The following P2RX7 variants were observed in gnomAD, a reference collection of about 807,000 sequenced individuals.
P2RX7 encodes the protein purinergic receptor P2X 7.
Under a neutral mutation model 71.6 loss-of-function variants are expected in P2RX7, and 62 were observed. The ratio of observed to expected loss-of-function variants is 0.87; its 90% CI spans 0.71 to 1.07. The LOEUF (loss-of-function observed/expected upper bound fraction) is 1.07, where lower values mean the gene tolerates loss of function less well. Among genes scored for constraint, P2RX7 ranks in the 50% least tolerant of loss-of-function variants. The pLI is 0.00. For synonymous variants in P2RX7, 299 were observed against 283.3 expected (o/e 1.06, Z -0.56); for missense variants, 686 against 748.5 (o/e 0.92, Z 0.97).
intron 1 of P2RX7, among the ~76,000 whole-genome samples, chr12:121,143,858 A>T (rs12830584): frequency 0.049 from 7,404 of 152,294 alleles, 225 homozygotes; most frequent in South Asian, 0.078. Context: ...CTCAAAAAAA[A>T]GAAAGTCTCT....
chr12:121,150,548 G>C (rs952067784), intron 1 of P2RX7, among the ~76,000 whole-genome samples: 1 of 152,230 alleles, frequency 6.6e-6, no homozygotes, highest in Non-Finnish European at 1.5e-5. Flanking sequence ...GCTATGTCTC[G>C]TATGTGCTGA....
intron 1 of P2RX7, among the ~76,000 whole-genome samples, chr12:121,141,643 T>C (rs935542946): frequency 2.6e-5 from 4 of 152,156 alleles, no homozygotes; most frequent in African/African-American, 7.2e-5. Context: ...GGGTTTTATG[T>C]TCATATTTTC....
chr12:121,136,023 A>AAAAAAAAAAATATATATAT lies in P2RX7; in HGVS notation c.125+2929_125+2930insAAAAAAAAATATATATATA. Among the ~76,000 whole-genome samples the AAAAAAAAAAATATATATAT allele has an allele frequency of 8.9e-3, 136 of 15,232 alleles. 20 individuals carry two copies. The highest frequency in any genetic ancestry group is 0.024 in the East Asian group (6 of 250). The allele number at this position is 15,232 out of a possible 152,430, so 10.0% of individuals were successfully genotyped here. On this transcript the variant is annotated intron_variant, in intron 1 of 12. Transcript: ENST00000328963. ...TGTCTCAAAAAAAAAAAAAAAAAAAAATATATATATATATATATAGTATTT... is the reference window on the plus strand; with the variant it reads ...TGTCTCAAAAAAAAAAAAAAAAAAAAAAAAAAAAAATATATATATATATATATATATATATATAGTATTT...
rs541048224 is a variant in P2RX7, at chr12:121,157,169, G to A, written c.363+1022G>A. 5.3e-5 allele frequency among the ~76,000 whole-genome samples: 8 copies of A among 152,210 alleles called. 1 individual carries two copies. Among genetic ancestry groups the A allele is most frequent in the African/African-American group, 1.7e-4 (7 of 41,516 alleles). The stretch of plus-strand genomic sequence containing the variant: ...GGTAACGTAACTGTGCTGTACCAGG[G>A]ACCATTTCCAACACTGACCGTTGCA... On this transcript the variant is annotated intron_variant, in intron 3 of 12. Coordinates refer to ENST00000328963, the MANE Select transcript of P2RX7 (RefSeq NM_002562.6).
intron 1 of P2RX7, among the ~76,000 whole-genome samples, chr12:121,147,567 A>G (rs553438520): frequency 5.3e-5 from 8 of 151,802 alleles, no homozygotes; most frequent in Admixed American, 1.3e-4. Context: ...TTCTATAGCT[A>G]TGGCCTACAA....
At chr12:121,150,817 G>A (rs1373603571) in intron 1 of P2RX7, among the ~76,000 whole-genome samples, 2 of 152,208 alleles carry the variant, frequency 1.3e-5, no homozygotes, top group African/African-American at 4.8e-5. Context: ...GCTGAGGCAG[G>A]AGAATCACTT....
chr12:121,162,604 TCAGCA>T, intron 5 of P2RX7, 84 bp downstream of exon 5: 1 of 1,513,598 alleles, frequency 6.6e-7, no homozygotes, highest in Non-Finnish European at 9.0e-7. Flanking sequence ...CCTTCCCCTC[TCAGCA>T]CAGCCCTGCA....
chr12:121,144,381 A>G (rs1875683659), intron 1 of P2RX7, among the ~76,000 whole-genome samples: 1 of 152,190 alleles, frequency 6.6e-6, no homozygotes, highest in African/African-American at 2.4e-5. Flanking sequence ...TACTTTTAGT[A>G]GAGATGGGGT....
intron 7 of P2RX7, 69 bp downstream of exon 7, chr12:121,166,256 G>C: frequency 6.5e-7 from 1 of 1,539,936 alleles, no homozygotes; most frequent in Non-Finnish European, 8.9e-7. Flanking sequence ...AAACAGCCAA[G>C]AGGCCGGGCC....
chr12:121,173,699 T>C (rs181683446), intron 8 of P2RX7, among the ~76,000 whole-genome samples: 84 of 152,312 alleles, frequency 5.5e-4, no homozygotes, highest in African/African-American at 2.0e-3. Context: ...GGTTAACTAC[T>C]TTGAATAATG....
intron 1 of P2RX7, among the ~76,000 whole-genome samples, chr12:121,137,127 T>A (rs1370337019): frequency 6.6e-6 from 1 of 152,096 alleles, no homozygotes; most frequent in Non-Finnish European, 1.5e-5. Context: ...GAGAACAATA[T>A]AAATAATGCA....
rs78745527 is a variant in P2RX7 at position 121,134,207 on chromosome 12, T to G, written c.125+1112T>G. Among the ~76,000 whole-genome samples the G allele has an allele frequency of 2.5e-4, 38 of 152,362 alleles. 1 individual carries two copies. The highest frequency in any genetic ancestry group is 9.1e-4 in the African/African-American group (38 of 41,580). On this transcript the variant is annotated intron_variant, in intron 1 of 12. Coordinates refer to ENST00000328963, the MANE Select transcript of P2RX7 (RefSeq NM_002562.6). Reference sequence around the variant, plus strand: ...TATATATTCTCCTTTCTCTCGAATATGTACCTAAGAGTAAAAATTGCTAGG... The same window carrying G: ...TATATATTCTCCTTTCTCTCGAATAGGTACCTAAGAGTAAAAATTGCTAGG...
At chr12:121,166,034 T>C (rs1159049275) in intron 6 of P2RX7, 24 bp from the exon 7 acceptor site, 1 of 1,605,478 alleles carries the variant, frequency 6.2e-7, no homozygotes, top group Non-Finnish European at 8.5e-7. Context: ...GTTTGTTTGT[T>C]TGTTTGCTTT....
intron 4 of P2RX7, among the ~76,000 whole-genome samples, chr12:121,161,664 C>T (rs1017529339): frequency 1.3e-5 from 2 of 151,758 alleles, no homozygotes; most frequent in East Asian, 1.9e-4. Flanking sequence ...TGGTGGCACA[C>T]GCTTATAATC....
At chr12:121,167,680 C>T in intron 8 of P2RX7, 56 bp downstream of exon 8, 1 of 1,428,846 alleles carries the variant, frequency 7.0e-7, no homozygotes, top group Non-Finnish European at 9.2e-7. Context: ...TTCCCAGGAA[C>T]TGGTGAGACT....
intron 1 of P2RX7, among the ~76,000 whole-genome samples, chr12:121,135,645 G>C (rs910844524): frequency 1.3e-5 from 2 of 151,866 alleles, no homozygotes; most frequent in African/African-American, 4.8e-5. Context: ...TATTAATAAT[G>C]CTATTATTAG....
chr12:121,151,937 C>G (rs1022043834), intron 1 of P2RX7, among the ~76,000 whole-genome samples: 2 of 152,210 alleles, frequency 1.3e-5, no homozygotes, highest in Middle Eastern at 6.8e-3. Context: ...GAGCTACCCA[C>G]CTACTTGGGA....
chr12:121,163,134 C>T (rs968137688), intron 5 of P2RX7, among the ~76,000 whole-genome samples: 1 of 152,104 alleles, frequency 6.6e-6, no homozygotes, highest in Non-Finnish European at 1.5e-5. Context: ...TTAGAAAGAC[C>T]TGGATTCAAT....
intron 6 of P2RX7, 135 bp downstream of exon 6, chr12:121,165,572 T>C (rs1880851259): frequency 1.4e-6 from 1 of 724,842 alleles, no homozygotes; most frequent in Non-Finnish European, 2.3e-6. Flanking sequence ...GGGAATGACT[T>C]TGCTGCGTGG....
Sources: gnomAD v4.1 joint callset for allele counts (sites outside exome capture counted in the v4.1 genomes callset) on GRCh38, gnomAD v4.1.1 for gene constraint, MANE v1.5 for transcripts, NCBI Gene and HGNC (gene_info 2026-07-23, HGNC 2026-07-21) for gene names.